The following KCNG1 variants were observed in gnomAD, a reference collection of about 807,000 sequenced individuals.
The protein encoded by KCNG1 is voltage-gated potassium channel regulatory subunit KCNG1.
In KCNG1, 17 loss-of-function variants were observed where a neutral mutation model predicts 32.4. The observed-to-expected ratio is 0.52, with a 90% CI of 0.36 to 0.79. The LOEUF is 0.79. KCNG1 is among the 30% of genes least tolerant of loss of function. The pLI is 0.00. For synonymous variants in KCNG1, 358 were observed against 339.9 expected (o/e 1.05, Z -0.59); for missense variants, 441 against 735.2 (o/e 0.60, Z 4.63).
At chr20:51,009,170 G>C (rs138567849) in intron 2 of KCNG1, among the ~76,000 whole-genome samples, 37 of 152,314 alleles carry the variant, frequency 2.4e-4, no homozygotes, top group African/African-American at 8.4e-4. Flanking sequence ...GTTGAGAAAG[G>C]ACCGAATGGT....
intron 1 of KCNG1, among the ~76,000 whole-genome samples, chr20:51,019,119 C>T (rs1988379572): frequency 1.3e-5 from 2 of 150,046 alleles, no homozygotes; most frequent in South Asian, 2.1e-4. Context: ...GAGATGTTGA[C>T]GATGGAGGCA....
chr20:51,010,951 A>C (rs551955573), intron 1 of KCNG1, among the ~76,000 whole-genome samples: 45 of 151,942 alleles, frequency 3.0e-4, no homozygotes, highest in African/African-American at 1.0e-3. Flanking sequence ...GAAGAGGAAG[A>C]GACACTAGGG....
At chr20:51,021,441 G>A (rs1988481033) in intron 1 of KCNG1, among the ~76,000 whole-genome samples, 1 of 152,200 alleles carries the variant, frequency 6.6e-6, no homozygotes. Context: ...GCCCCAATCA[G>A]CAGTGCCAAA....
chr20:51,004,041 AGTTATT>A lies in KCNG1; in HGVS notation c.1534_1539del (p.Asn512_Asn513del), dbSNP rs1568793502. On this transcript the variant is annotated inframe_deletion, in exon 3 of 3. Coordinates refer to ENST00000371571, the MANE Select transcript of KCNG1 (RefSeq NM_002237.4). The surrounding 1 kb of genome is among the most constrained non-coding windows in gnomAD (Gnocchi z 4.3). ...CAGGGCAGGCGTGTCCTCCGCGCTCAGTTATTGTCTCTGGTGTCCGAGGAGGCACTT... is the reference window on the plus strand; with the variant it reads ...CAGGGCAGGCGTGTCCTCCGCGCTCAGTCTCTGGTGTCCGAGGAGGCACTT... 6.2e-7 allele frequency: 1 copy of A among 1,613,592 alleles called. No individual in the cohort carries two copies. Among genetic ancestry groups the A allele is most frequent in the Admixed American group, 1.7e-5 (1 of 60,004 alleles).
At chr20:51,016,596 A>G (rs1988288783) in intron 1 of KCNG1, among the ~76,000 whole-genome samples, 1 of 152,188 alleles carries the variant, frequency 6.6e-6, no homozygotes, top group South Asian at 2.1e-4. Context: ...CTGTGACTTT[A>G]GGCAAGTTGT....
Position 51,004,320 on chromosome 20 carries a change from T to C in KCNG1, c.1261A>G (p.Thr421Ala). The change falls in exon 3 of 3, where the codon ACC becomes GCC. Residue 421 changes from threonine to alanine, a missense_variant. Thr to Ala is a moderately conservative substitution (Grantham distance 58, BLOSUM62 0). Around this residue, in one of 6 missense-constraint regions of KCNG1, gnomAD observed 12 missense variants for 51.4 expected, o/e 0.23. Transcript: ENST00000371571. The surrounding 1 kb of genome is among the most constrained non-coding windows in gnomAD (Gnocchi z 4.3). The stretch of plus-strand genomic sequence containing the variant: ...TCGCCATAGCCCACCGTCGTCATGG[T>C]GATGACAGCCCACCAGTAGCAGGCA... ...IPACYWWAVI[T>A]MTTVGYGDMV... 6.2e-7 allele frequency: 1 copy of C among 1,613,706 alleles called. No homozygotes were observed. The highest frequency in any genetic ancestry group is 8.5e-7 in the Non-Finnish European group (1 of 1,179,672).
intron 2 of KCNG1, chr20:51,007,188 A>T (rs1987861345): frequency 2.8e-5 from 4 of 145,280 alleles, no homozygotes; most frequent in Admixed American, 2.1e-4. Flanking sequence ...CCATCTCTAA[A>T]TTTTTTTTTT....
At position 51,015,088 on chromosome 20, in the gene KCNG1, T is replaced by G. The variant is rs1260793242; in HGVS notation, c.-26-4724A>C. Among the ~76,000 whole-genome samples, 2 of 152,012 alleles carry G rather than the reference T, an allele frequency of 1.3e-5. No homozygotes were observed. Among genetic ancestry groups the G allele is most frequent in the Non-Finnish European group, 2.9e-5 (2 of 68,004 alleles). ...AAGGAGTCCATGTGTGCCTGCCAGG[T>G]CAGTGGACAACGAGTGGGCTGGGGA... On this transcript the variant is annotated intron_variant, in intron 1 of 2. Transcript: ENST00000371571. The surrounding 1 kb of genome is among the most constrained non-coding windows in gnomAD (Gnocchi z 4.4).
intron 1 of KCNG1, among the ~76,000 whole-genome samples, chr20:51,022,052 T>C (rs1988503822): frequency 6.6e-6 from 1 of 152,186 alleles, no homozygotes; most frequent in Non-Finnish European, 1.5e-5. Flanking sequence ...GCCTGGGTCT[T>C]AATCCTTACT....
chr20:51,006,058 T>G (rs1297487313), intron 2 of KCNG1: 1 of 147,838 alleles, frequency 6.8e-6, no homozygotes, highest in African/African-American at 2.5e-5. Flanking sequence ...CTTATGGTGA[T>G]GGGGGGGGTG....
At chr20:51,018,808 G>A (rs778106239) in intron 1 of KCNG1, among the ~76,000 whole-genome samples, 5 of 152,196 alleles carry the variant, frequency 3.3e-5, no homozygotes, top group Non-Finnish European at 7.3e-5. Context: ...AGATCTGTGG[G>A]ACTCCAGGCC....
intron 1 of KCNG1, among the ~76,000 whole-genome samples, chr20:51,021,832 G>A (rs1195161915): frequency 2.6e-5 from 4 of 152,078 alleles, no homozygotes; most frequent in Admixed American, 2.0e-4. Flanking sequence ...CAGTAATGTC[G>A]GATCAGTGTT....
rs10626097 is a variant in KCNG1 at position 51,008,643 on chromosome 20, A to AT, written c.774+921dup. Among the ~76,000 whole-genome samples the AT allele has an allele frequency of 2.4e-3, 361 of 151,638 alleles. 2 individuals are homozygous for AT. The highest frequency in any genetic ancestry group is 0.017 in the South Asian group (82 of 4,816). On this transcript the variant is annotated intron_variant, in intron 2 of 2. Transcript: ENST00000371571. ...CCACCACACCTGGCCTGATCTTATG[A>AT]TTTTTTTTAAAAGAAGCTGAGATTT...
Position 51,004,110 on chromosome 20 carries a change from G to A in KCNG1, c.1471C>T (p.Gln491Ter). 1 of 1,614,250 alleles carries A rather than the reference G, an allele frequency of 6.2e-7. No homozygotes were observed. Among genetic ancestry groups the A allele is most frequent in the Non-Finnish European group, 8.5e-7 (1 of 1,180,036 alleles). ...TCACTGTCCTGGGACACGCTCAGCT[G>A]CGACTTGGTTTTGATGAGGAACTGC... ...RAQFLIKTKS[Q>*]LSVSQDSDIL... Residue 491 changes from glutamine (Q) to a stop codon, truncating the protein, a stop_gained, in exon 3 of 3, where the codon CAG (glutamine) becomes TAG (stop). Coordinates refer to ENST00000371571, the MANE Select transcript of KCNG1 (RefSeq NM_002237.4). LOFTEE classifies it high-confidence loss of function. This position sits in a 1 kb window ranked among gnomAD's most constrained non-coding sequence, Gnocchi z 4.3.
intron 1 of KCNG1, among the ~76,000 whole-genome samples, chr20:51,022,260 C>T (rs1988510021): frequency 6.6e-6 from 1 of 152,196 alleles, no homozygotes; most frequent in African/African-American, 2.4e-5. Context: ...CCTTCCATAC[C>T]TCCGGGCTGA....
chr20:51,011,051 G>C (rs1171077400), intron 1 of KCNG1, among the ~76,000 whole-genome samples: 1 of 152,240 alleles, frequency 6.6e-6, no homozygotes, highest in East Asian at 1.9e-4. Context: ...CAGACTTGCA[G>C]CCGGCAGAAC....
chr20:51,017,905 T>C (rs549600576), intron 1 of KCNG1, among the ~76,000 whole-genome samples: 53 of 152,324 alleles, frequency 3.5e-4, no homozygotes, highest in African/African-American at 1.1e-3. Context: ...ATCTTCTGCG[T>C]TGGGGCTGCC....
chr20:51,017,551 T>C (rs540790434), intron 1 of KCNG1, among the ~76,000 whole-genome samples: 41 of 152,228 alleles, frequency 2.7e-4, no homozygotes, highest in African/African-American at 9.2e-4. Context: ...ACTCTGGGTT[T>C]TAACCCAGGT....
chr20:51,017,354 C>G (rs1379024361), intron 1 of KCNG1, among the ~76,000 whole-genome samples: 1 of 152,222 alleles, frequency 6.6e-6, no homozygotes, highest in Non-Finnish European at 1.5e-5. Context: ...TGAACACACA[C>G]ACATTACATA....
Sources: gnomAD v4.1 joint callset for allele counts (sites outside exome capture counted in the v4.1 genomes callset) on GRCh38, gnomAD v4.1.1 for gene constraint, gnomAD v4.1.1 regional missense constraint, Gnocchi (gnomAD v3.1) non-coding constraint, MANE v1.5 for transcripts, NCBI Gene and HGNC (gene_info 2026-07-23, HGNC 2026-07-21) for gene names.